The following FAT3 variants were observed in gnomAD, a reference collection of about 807,000 sequenced individuals.
FAT3 encodes the protein FAT atypical cadherin 3, also known as protocadherin Fat 3.
In FAT3, 95 loss-of-function variants were observed where a neutral mutation model predicts 310.2. The ratio of observed to expected loss-of-function variants is 0.31; its 90% CI spans 0.26 to 0.36. The LOEUF is 0.36. Among genes scored for constraint, FAT3 ranks in the 10% least tolerant of loss-of-function variants. The pLI is 1.00. For synonymous variants in FAT3, 2,314 were observed against 2,192.9 expected, an observed-to-expected ratio of 1.06 and a Z score of -1.54; for missense variants, 5,408 against 5,715.6, an observed-to-expected ratio of 0.95 and a Z score of 1.74.
intron 2 of FAT3, among the ~76,000 whole-genome samples, chr11:92,461,430 T>TA (rs1270997111): frequency 6.6e-6 from 1 of 152,140 alleles, no homozygotes; most frequent in Non-Finnish European, 1.5e-5. Flanking sequence ...TTATAAAAAT[T>TA]AGAGTTAACA....
At chr11:92,278,253 GTAAT>G (rs1314296031) in intron 1 of FAT3, among the ~76,000 whole-genome samples, 1 of 152,280 alleles carries the variant, frequency 6.6e-6, no homozygotes, top group Admixed American at 6.5e-5. Flanking sequence ...ACTTTTATGA[GTAAT>G]TAATCAACTA....
chr11:92,561,387 A>G (rs1955221039), intron 3 of FAT3, among the ~76,000 whole-genome samples: 1 of 152,054 alleles, frequency 6.6e-6, no homozygotes, highest in Non-Finnish European at 1.5e-5. Flanking sequence ...ATACAAAGAA[A>G]AGTCAATTAT....
At chr11:92,535,568 CTT>C (rs1188240797) in intron 3 of FAT3, among the ~76,000 whole-genome samples, 1 of 152,178 alleles carries the variant, frequency 6.6e-6, no homozygotes, top group Non-Finnish European at 1.5e-5. Flanking sequence ...GTGCAGTACT[CTT>C]TTCACTAGAC....
At chr11:92,229,720 C>T (rs1441897077) in intron 1 of FAT3, among the ~76,000 whole-genome samples, 1 of 150,220 alleles carries the variant, frequency 6.7e-6, no homozygotes, top group South Asian at 2.1e-4. Flanking sequence ...ATGACCCATT[C>T]TAGCAGTTCT....
At chr11:92,250,261 A>G (rs937945333) in intron 1 of FAT3, among the ~76,000 whole-genome samples, 5 of 152,128 alleles carry the variant, frequency 3.3e-5, no homozygotes, top group South Asian at 2.1e-4. Context: ...ATGACATTTT[A>G]AATTCTTGTT....
intron 2 of FAT3, among the ~76,000 whole-genome samples, chr11:92,504,463 A>T (rs990062649): frequency 6.6e-6 from 1 of 152,138 alleles, no homozygotes; most frequent in African/African-American, 2.4e-5. Context: ...GGGGTTTAAT[A>T]TTGGTTCTCT....
rs527501342 is a variant in FAT3 at position 92,354,821 on chromosome 11, A to C, written c.2709A>C (p.Lys903Asn). 378 of 1,613,908 alleles carry C rather than the reference A, an allele frequency of 2.3e-4. 4 individuals are homozygous for C. In the Admixed American group the frequency reaches 6.1e-3, roughly 26 times the overall value. Reference sequence around the variant, plus strand: ...AATCCAAAGCCAATTATTCTTTGAAAATAGAAGCCAGGGACAAGGCAGAGA... The same window carrying C: ...AATCCAAAGCCAATTATTCTTTGAACATAGAAGCCAGGGACAAGGCAGAGA... The part of the protein sequence containing the change: ...DRESKANYSL[K>N]IEARDKAESG... Residue 903 changes from lysine to asparagine, a missense_variant, in exon 2 of 28, where the codon AAA (lysine) becomes AAC (asparagine). Around this residue, in one of 5 missense-constraint regions of FAT3, gnomAD observed 4,588 missense variants for 4,809.8 expected, o/e 0.95. Coordinates refer to ENST00000525166, the MANE Select transcript of FAT3 (RefSeq NM_001367949.2).
chr11:92,505,226 C>G (rs547827499), intron 2 of FAT3, among the ~76,000 whole-genome samples: 42 of 152,236 alleles, frequency 2.8e-4, no homozygotes, highest in African/African-American at 7.2e-4. Flanking sequence ...GATGCTGATG[C>G]AACCATCAGA....
At chr11:92,724,542 T>C (rs1234432117) in intron 4 of FAT3, among the ~76,000 whole-genome samples, 1 of 152,230 alleles carries the variant, frequency 6.6e-6, no homozygotes, top group African/African-American at 2.4e-5. Context: ...TAGACCTCCA[T>C]CCAAGTCACT....
chr11:92,800,591 G>C lies in FAT3; in HGVS notation c.7578G>C (p.Gly2526=). 1 of 1,613,776 alleles carries C rather than the reference G, an allele frequency of 6.2e-7. No individual in the cohort carries two copies. The highest frequency in any genetic ancestry group is 8.5e-7 in the Non-Finnish European group (1 of 1,179,824). ...TTCGAGCCACAGATGGTGATCCAGG[G>C]ACTTATGGGCAGATCAGCTATGCCA... ...IHVRATDGDP[G]TYGQISYAII... The change falls in exon 10 of 28, where the codon GGG becomes GGC. Residue 2526 remains glycine (G), a synonymous_variant. Coordinates refer to ENST00000525166, the MANE Select transcript of FAT3 (RefSeq NM_001367949.2).
At chr11:92,815,878 A>G (rs1947813291) in intron 13 of FAT3, among the ~76,000 whole-genome samples, 1 of 152,220 alleles carries the variant, frequency 6.6e-6, no homozygotes. Flanking sequence ...CTTGCCTTCA[A>G]GGGGTTTACA....
chr11:92,540,618 TG>T (rs1177991922), intron 3 of FAT3, among the ~76,000 whole-genome samples: 3 of 152,218 alleles, frequency 2.0e-5, no homozygotes, highest in African/African-American at 7.2e-5. Context: ...CAGTAATTTC[TG>T]TGTCTTCAAG....
intron 3 of FAT3, among the ~76,000 whole-genome samples, chr11:92,618,500 G>A (rs1268770933): frequency 2.6e-5 from 4 of 152,152 alleles, no homozygotes; most frequent in Admixed American, 2.0e-4. Flanking sequence ...ACAAGCCCCA[G>A]TGAGATGAAC....
At chr11:92,358,166 C>T (rs796202621) in intron 2 of FAT3, among the ~76,000 whole-genome samples, 4 of 151,960 alleles carry the variant, frequency 2.6e-5, no homozygotes, top group African/African-American at 4.8e-5. Context: ...GACAGAGTGA[C>T]ACGCTGTCTT....
rs181550713 is a variant in FAT3, at chr11:92,882,905, T to C, written c.12449T>C (p.Val4150Ala). ...VPNIQAGHSY[V>A]GKEELIGIAV... ...AATATCCAGGCTGGCCACTCCTACG[T>C]GGGGAAGGAGGAGCTCATCGGCATC... is the stretch of plus-strand genomic sequence containing the variant. The change falls in exon 24 of 28, where the codon GTG (valine) becomes GCG (alanine). Residue 4150 changes from valine to alanine, a missense_variant. Val to Ala is a moderately conservative substitution (Grantham distance 64). Coordinates refer to ENST00000525166, the MANE Select transcript of FAT3 (RefSeq NM_001367949.2). The C allele has an allele frequency of 1.6e-5, 26 of 1,612,836 alleles. No individual in the cohort carries two copies. The Admixed American group carries it at 2.7e-4, about 17-fold the overall frequency.
intron 7 of FAT3, among the ~76,000 whole-genome samples, chr11:92,778,337 T>C (rs1418260285): frequency 6.6e-6 from 1 of 152,192 alleles, no homozygotes; most frequent in African/African-American, 2.4e-5. Context: ...ACTACTAATG[T>C]TGTGGAATGA....
At chr11:92,649,564 A>T (rs1047327797) in intron 3 of FAT3, among the ~76,000 whole-genome samples, 3 of 152,092 alleles carry the variant, frequency 2.0e-5, no homozygotes, top group Middle Eastern at 3.2e-3. Flanking sequence ...TCCATCACTC[A>T]TGATTTGGAA....
At chr11:92,602,314 G>A (rs766648406) in intron 3 of FAT3, among the ~76,000 whole-genome samples, 1 of 152,150 alleles carries the variant, frequency 6.6e-6, no homozygotes, top group Non-Finnish European at 1.5e-5. Flanking sequence ...TGTTGGCCAG[G>A]CTGGTCTTGA....
chr11:92,419,764 A>G (rs1950498961), intron 2 of FAT3, among the ~76,000 whole-genome samples: 1 of 152,174 alleles, frequency 6.6e-6, no homozygotes, highest in African/African-American at 2.4e-5. Context: ...CTTAAAGGAG[A>G]TAAATGAGAA....
Sources: allele counts gnomAD v4.1 joint callset (sites outside exome capture counted in the v4.1 genomes callset), GRCh38; gene constraint gnomAD v4.1.1; regional missense constraint gnomAD v4.1.1; transcripts MANE v1.5; gene names NCBI Gene and HGNC (gene_info 2026-07-23, HGNC 2026-07-21).